PIP5K1B: variants seen among roughly 807,000 people sequenced by gnomAD.
PIP5K1B encodes the protein phosphatidylinositol-4-phosphate 5-kinase type 1 beta, also known as phosphatidylinositol 4-phosphate 5-kinase type-1 beta.
PIP5K1B carries 42 observed loss-of-function variants against 67.0 expected under a neutral mutation model. The ratio of observed to expected loss-of-function variants is 0.63; its 90% CI spans 0.49 to 0.81. The LOEUF (loss-of-function observed/expected upper bound fraction) is 0.81. PIP5K1B is among the 30% of genes least tolerant of loss of function. The pLI is 0.00. For missense variants in PIP5K1B, 459 were observed against 646.3 expected, an observed-to-expected ratio of 0.71 and a Z score of 3.14; for synonymous variants, 214 against 231.4, an observed-to-expected ratio of 0.92 and a Z score of 0.68.
chr9:68,935,526 AC>A (rs1827216907), intron 13 of PIP5K1B, among the ~76,000 whole-genome samples: 1 of 152,208 alleles, frequency 6.6e-6, no homozygotes, highest in Admixed American at 6.5e-5. Flanking sequence ...GCACATTTTA[AC>A]TACCACATAA....
At chr9:68,907,641 T>C (rs539158701) in intron 8 of PIP5K1B, among the ~76,000 whole-genome samples, 4 of 152,236 alleles carry the variant, frequency 2.6e-5, no homozygotes, top group African/African-American at 9.6e-5. Context: ...GCTTCAACAA[T>C]CCTAGAGCAT....
chr9:68,982,746 C>T (rs763731777), intron 14 of PIP5K1B, among the ~76,000 whole-genome samples: 9 of 130,854 alleles, frequency 6.9e-5, no homozygotes, highest in African/African-American at 8.7e-5. Flanking sequence ...TGGGTGACAG[C>T]GAGACTCCAT....
chr9:68,910,213 C>A (rs1399180351), intron 8 of PIP5K1B, among the ~76,000 whole-genome samples: 1 of 152,186 alleles, frequency 6.6e-6, no homozygotes, highest in Non-Finnish European at 1.5e-5. Context: ...CTTTTATCTG[C>A]CATTTAGCTG....
intron 4 of PIP5K1B, among the ~76,000 whole-genome samples, chr9:68,857,927 A>G (rs1822864740): frequency 6.6e-6 from 1 of 150,978 alleles, no homozygotes; most frequent in Admixed American, 6.6e-5. Context: ...CTCCCTTCCC[A>G]TACACCCATA....
chr9:68,727,912 C>A (rs1828233724), intron 1 of PIP5K1B, among the ~76,000 whole-genome samples: 1 of 152,162 alleles, frequency 6.6e-6, no homozygotes, highest in Non-Finnish European at 1.5e-5. Flanking sequence ...AGATACTTAA[C>A]TTTAGTTCAT....
At chr9:68,983,787 C>G (rs540718494) in intron 14 of PIP5K1B, among the ~76,000 whole-genome samples, 1 of 152,176 alleles carries the variant, frequency 6.6e-6, no homozygotes, top group African/African-American at 2.4e-5. Flanking sequence ...TGCAGCACAT[C>G]GGCAGGCAGC....
chr9:68,712,415 C>T (rs1359857195), intron 1 of PIP5K1B, among the ~76,000 whole-genome samples: 1 of 152,188 alleles, frequency 6.6e-6, no homozygotes, highest in African/African-American at 2.4e-5. Context: ...CAGATTAACA[C>T]GGATACTTAT....
chr9:68,872,980 T>A (rs1215282444), intron 5 of PIP5K1B, among the ~76,000 whole-genome samples: 1 of 152,218 alleles, frequency 6.6e-6, no homozygotes, highest in Non-Finnish European at 1.5e-5. Context: ...TAGGATAACA[T>A]AGGCATGCAT....
At chr9:68,823,742 T>G (rs1833845688) in intron 4 of PIP5K1B, among the ~76,000 whole-genome samples, 1 of 152,222 alleles carries the variant, frequency 6.6e-6, no homozygotes, top group Non-Finnish European at 1.5e-5. Flanking sequence ...TATTGAAGGT[T>G]TATTATTTCT....
intron 11 of PIP5K1B, among the ~76,000 whole-genome samples, chr9:68,920,390 T>G (rs12236883): frequency 8.9e-6 from 1 of 112,218 alleles, no homozygotes; most frequent in African/African-American, 3.2e-5. Context: ...TTTTTTGAGA[T>G]GGAGTCTTGC....
intron 2 of PIP5K1B, chr9:68,780,030 G>C (rs962644499): frequency 8.2e-7 from 1 of 1,214,350 alleles, no homozygotes; most frequent in Non-Finnish European, 1.1e-6. Flanking sequence ...CCTGCGCGAA[G>C]GGCTACGCAT....
At chr9:68,713,365 C>T (rs532425765) in intron 1 of PIP5K1B, among the ~76,000 whole-genome samples, 2 of 152,300 alleles carry the variant, frequency 1.3e-5, no homozygotes, top group South Asian at 4.1e-4. Flanking sequence ...CACCATTGCA[C>T]TCCAGCCTGG....
intron 8 of PIP5K1B, among the ~76,000 whole-genome samples, 183 bp downstream of exon 8, chr9:68,894,821 G>A (rs931321246): frequency 6.6e-6 from 1 of 152,146 alleles, no homozygotes; most frequent in Non-Finnish European, 1.5e-5. Context: ...AGATGATAAG[G>A]GAGTTATCTA....
chr9:69,008,224 C>G (rs1178797060), intron 15 of PIP5K1B, among the ~76,000 whole-genome samples: 1 of 152,150 alleles, frequency 6.6e-6, no homozygotes, highest in Non-Finnish European at 1.5e-5. Flanking sequence ...GTGATGTAGT[C>G]AGGACTCAAT....
chr9:68,937,608 G>A lies in PIP5K1B; in HGVS notation c.1357+2563G>A, dbSNP rs75200815. 2.0e-3 allele frequency among the ~76,000 whole-genome samples: 300 copies of A among 152,176 alleles called. 1 individual carries two copies. The highest frequency in any genetic ancestry group is 6.9e-3 in the African/African-American group (285 of 41,516). On this transcript the variant is annotated intron_variant, in intron 13 of 15. Transcript: ENST00000265382. ...GTTTTTTGTGTATCTATCTCCTTCAGTTCTGCTCTGATCTTAGTTATTTCT... is the reference window on the plus strand; with the variant it reads ...GTTTTTTGTGTATCTATCTCCTTCAATTCTGCTCTGATCTTAGTTATTTCT...
chr9:68,883,051 G>C lies in PIP5K1B; in HGVS notation c.319-5930G>C, dbSNP rs1167691065. 2.0e-5 allele frequency among the ~76,000 whole-genome samples: 3 copies of C among 152,120 alleles called. No individual in the cohort carries two copies. The East Asian group carries it at 5.8e-4, about 29-fold the overall frequency. ...ATAAAATTAACAACAGCAATACATG[G>C]TCACTCTTTGCCAGGGTTTTCAAAA... On this transcript the variant is annotated intron_variant, in intron 6 of 15. Transcript: ENST00000265382.
At chr9:68,949,867 C>G (rs1827974616) in intron 14 of PIP5K1B, among the ~76,000 whole-genome samples, 1 of 152,174 alleles carries the variant, frequency 6.6e-6, no homozygotes, top group African/African-American at 2.4e-5. Context: ...GGTCAGAGCT[C>G]GGCGTTTGCC....
At chr9:68,865,911 A>G (rs920246001) in intron 5 of PIP5K1B, among the ~76,000 whole-genome samples, 2 of 152,238 alleles carry the variant, frequency 1.3e-5, no homozygotes, top group Non-Finnish European at 2.9e-5. Flanking sequence ...TCTGGTAGAT[A>G]ACAAATTTTG....
At chr9:68,844,155 A>G (rs1822062049) in intron 4 of PIP5K1B, among the ~76,000 whole-genome samples, 1 of 152,236 alleles carries the variant, frequency 6.6e-6, no homozygotes, top group African/African-American at 2.4e-5. Context: ...TTATGTGTCC[A>G]TAGGCTCATG....
Sources: allele counts gnomAD v4.1 joint callset (sites outside exome capture counted in the v4.1 genomes callset), GRCh38; gene constraint gnomAD v4.1.1; transcripts MANE v1.5; gene names NCBI Gene and HGNC (gene_info 2026-07-23, HGNC 2026-07-21).